The following HDAC9 variants were observed in gnomAD, a reference collection of about 807,000 sequenced individuals.
HDAC9 encodes MEF-2 interacting transcription repressor (MITR) protein.
In HDAC9, 41 loss-of-function variants were observed where a neutral mutation model predicts 139.4. That is an observed-to-expected ratio of 0.29 (90% CI 0.23 to 0.38). HDAC9 has a LOEUF of 0.38. Among genes scored for constraint, HDAC9 ranks in the 10% least tolerant of loss-of-function variants. HDAC9 has a pLI of 1.00. For missense variants in HDAC9, 1,147 were observed against 1,297.0 expected, an observed-to-expected ratio of 0.88 and a Z score of 1.78; for synonymous variants, 517 against 476.2, an observed-to-expected ratio of 1.09 and a Z score of -1.12.
intron 23 of HDAC9, among the ~76,000 whole-genome samples, chr7:18,938,955 T>C (rs1781841818): frequency 1.3e-5 from 2 of 152,234 alleles, no homozygotes; most frequent in South Asian, 4.1e-4. Flanking sequence ...AATAAAGGTA[T>C]TGCTGGACAA....
At chr7:18,929,514 C>T (rs1804538328) in intron 22 of HDAC9, among the ~76,000 whole-genome samples, 1 of 152,064 alleles carries the variant, frequency 6.6e-6, no homozygotes, top group Non-Finnish European at 1.5e-5. Flanking sequence ...TAATTTAATG[C>T]TGATAGACAA....
At chr7:18,569,856 TA>T (rs905758187) in intron 2 of HDAC9, among the ~76,000 whole-genome samples, 11 of 150,724 alleles carry the variant, frequency 7.3e-5, no homozygotes, top group Admixed American at 5.3e-4. Flanking sequence ...ACAGGGAACC[TA>T]AAAAAAAACT....
At chr7:18,183,221 G>A (rs901864514) in intron 2 of HDAC9, among the ~76,000 whole-genome samples, 1 of 152,108 alleles carries the variant, frequency 6.6e-6, no homozygotes, top group East Asian at 1.9e-4. Context: ...GTGTTAGCCA[G>A]GATGGTCTTG....
At chr7:18,382,994 G>A (rs1162427092) in intron 1 of HDAC9, among the ~76,000 whole-genome samples, 2 of 152,140 alleles carry the variant, frequency 1.3e-5, no homozygotes, top group South Asian at 2.1e-4. Flanking sequence ...AAATTTCTGG[G>A]TAGAAAGATG....
chr7:18,927,848 T>A (rs748400542), intron 22 of HDAC9, among the ~76,000 whole-genome samples: 20 of 151,978 alleles, frequency 1.3e-4, no homozygotes, highest in Non-Finnish European at 2.5e-4. Context: ...AATGGCAGAG[T>A]GAGGATGGAG....
At chr7:18,875,526 TGAAA>T (rs1229924632) in intron 22 of HDAC9, among the ~76,000 whole-genome samples, 1 of 152,198 alleles carries the variant, frequency 6.6e-6, no homozygotes, top group African/African-American at 2.4e-5. Context: ...GCTTCTCATG[TGAAA>T]GAGTTTTCTG....
intron 1 of HDAC9, among the ~76,000 whole-genome samples, chr7:18,446,747 A>G (rs1345875196): frequency 1.3e-5 from 2 of 152,012 alleles, no homozygotes; most frequent in Non-Finnish European, 2.9e-5. Context: ...AACAACATAT[A>G]TTTTCCTGCA....
At chr7:18,490,653 G>T (rs1796295611) in intron 1 of HDAC9, among the ~76,000 whole-genome samples, 2 of 151,954 alleles carry the variant, frequency 1.3e-5, no homozygotes, top group Non-Finnish European at 2.9e-5. Context: ...CTAAGAAATA[G>T]AAAATTCAGA....
At chr7:18,347,398 T>G (rs1782499026) in intron 1 of HDAC9, among the ~76,000 whole-genome samples, 1 of 152,128 alleles carries the variant, frequency 6.6e-6, no homozygotes, top group South Asian at 2.1e-4. Flanking sequence ...GAGGATGTTT[T>G]TCATAATGAG....
At chr7:18,365,200 A>G (rs1466127500) in intron 1 of HDAC9, among the ~76,000 whole-genome samples, 1 of 152,058 alleles carries the variant, frequency 6.6e-6, no homozygotes, top group Non-Finnish European at 1.5e-5. Context: ...TGTTATTGGT[A>G]GCTGATGTTT....
At chr7:18,441,912 C>T (rs1250141345) in intron 1 of HDAC9, among the ~76,000 whole-genome samples, 3 of 152,038 alleles carry the variant, frequency 2.0e-5, no homozygotes, top group African/African-American at 4.8e-5. Flanking sequence ...GGACTACGGG[C>T]GCCCGCTACC....
At chr7:18,405,244 G>C (rs759888902) in intron 1 of HDAC9, among the ~76,000 whole-genome samples, 1 of 152,144 alleles carries the variant, frequency 6.6e-6, no homozygotes, top group Non-Finnish European at 1.5e-5. Flanking sequence ...ACTTTCCCTA[G>C]CTCTCCCTTA....
intron 8 of HDAC9, among the ~76,000 whole-genome samples, chr7:18,642,986 T>G (rs932335139): frequency 2.0e-5 from 3 of 152,126 alleles, no homozygotes; most frequent in Non-Finnish European, 4.4e-5. Flanking sequence ...TTTAAAATGC[T>G]TATTTTTCCA....
At chr7:18,171,306 A>G (rs1355551802) in intron 2 of HDAC9, among the ~76,000 whole-genome samples, 1 of 152,120 alleles carries the variant, frequency 6.6e-6, no homozygotes, top group Non-Finnish European at 1.5e-5. Context: ...GTATCCTGAG[A>G]CTTTGCTGAA....
At chr7:18,235,328 T>C (rs1455005503) in intron 2 of HDAC9, among the ~76,000 whole-genome samples, 1 of 152,152 alleles carries the variant, frequency 6.6e-6, no homozygotes, top group East Asian at 1.9e-4. Context: ...GTATGTCTTA[T>C]AGGCAGTGGT....
rs759293177 is a variant in HDAC9, at chr7:18,727,731, G to T, written c.1883G>T (p.Arg628Leu). Residue 628 changes from arginine to leucine, a missense_variant, in exon 13 of 26, where the codon CGC becomes CTC. Physicochemically the swap from Arg to Leu is moderately radical, Grantham distance 102. Around this residue, in one of 7 missense-constraint regions of HDAC9, gnomAD observed 256 missense variants for 219.2 expected, o/e 1.17. Coordinates refer to ENST00000686413, the MANE Select transcript of HDAC9 (RefSeq NM_178425.4). ...GTTTTACCTCACCCAGCAATGGACC[G>T]CCCCCTCCAGCCTGGCTCTGCAACT... The part of the protein sequence containing the change: ...ASVLPHPAMD[R>L]PLQPGSATGI... 1.3e-6 allele frequency: 2 copies of T among 1,545,440 alleles called. No homozygotes were observed. Among genetic ancestry groups the T allele is most frequent in the East Asian group, 2.4e-5 (1 of 41,778 alleles).
intron 1 of HDAC9, among the ~76,000 whole-genome samples, chr7:18,465,866 A>T (rs1199482045): frequency 6.6e-6 from 1 of 152,224 alleles, no homozygotes; most frequent in South Asian, 2.1e-4. Flanking sequence ...ATGTGGAGAT[A>T]TATCTATTTA....
At chr7:18,851,070 G>C (rs1336245432) in intron 21 of HDAC9, among the ~76,000 whole-genome samples, 2 of 152,204 alleles carry the variant, frequency 1.3e-5, no homozygotes, top group Non-Finnish European at 2.9e-5. Flanking sequence ...GGATTTTGAA[G>C]AGTAGTGAGA....
intron 2 of HDAC9, among the ~76,000 whole-genome samples, chr7:18,196,114 A>G (rs1790709702): frequency 6.6e-6 from 1 of 152,214 alleles, no homozygotes; most frequent in Admixed American, 6.6e-5. Flanking sequence ...ATTTCTTGAG[A>G]GTAATACCTC....
Sources: gnomAD v4.1 joint callset for allele counts (sites outside exome capture counted in the v4.1 genomes callset) on GRCh38, gnomAD v4.1.1 for gene constraint, gnomAD v4.1.1 regional missense constraint, MANE v1.5 for transcripts, NCBI Gene and HGNC (gene_info 2026-07-23, HGNC 2026-07-21) for gene names.